The following SCN8A variants were observed in gnomAD, a reference collection of about 807,000 sequenced individuals.
SCN8A encodes sodium channel protein type 8 subunit alpha.
SCN8A carries 30 observed loss-of-function variants against 184.1 expected under a neutral mutation model. That is an observed-to-expected ratio of 0.16 (90% CI 0.12 to 0.22). The LOEUF (loss-of-function observed/expected upper bound fraction) is 0.22. SCN8A is among the 10% of genes least tolerant of loss of function. The probability of loss-of-function intolerance (pLI) is 1.00; values close to 1 mark genes in which losing one functional copy is unlikely to be tolerated. For synonymous variants in SCN8A, 852 were observed against 907.0 expected (o/e 0.94, Z 1.09); for missense variants, 1,057 against 2,498.9 (o/e 0.42, Z 12.30).
chr12:51,746,889 T>C (rs985725956), intron 13 of SCN8A, among the ~76,000 whole-genome samples: 5 of 152,218 alleles, frequency 3.3e-5, no homozygotes, highest in African/African-American at 7.2e-5. Flanking sequence ...ATCTTCTTCA[T>C]TGGATTTATG....
chr12:51,688,718 A>G lies in SCN8A; in HGVS notation c.615-287A>G, dbSNP rs768148347. The G allele has an allele frequency of 2.5e-5, 35 of 1,408,712 alleles. No individual in the cohort carries two copies. The East Asian group carries it at 7.3e-4, about 29-fold the overall frequency. The allele number at this position is 1,408,712 out of a possible 1,614,324, so 87.3% of individuals were successfully genotyped here. ...TCCCCCCATTCTCAAACCCTCGCCCAGTGGTACCATTACAAGTTAACTTTG... is the reference window on the plus strand; with the variant it reads ...TCCCCCCATTCTCAAACCCTCGCCCGGTGGTACCATTACAAGTTAACTTTG... On this transcript the variant is annotated intron_variant, in intron 5 of 26. Coordinates refer to ENST00000627620, the MANE Select transcript of SCN8A (RefSeq NM_001330260.2).
At chr12:51,769,770 A>C in intron 17 of SCN8A, 98 bp from the exon 18 acceptor site, 1 of 787,414 alleles carries the variant, frequency 1.3e-6, no homozygotes, top group Non-Finnish European at 2.2e-6. Context: ...GAGAGGAGTC[A>C]GAGCTGGCCC....
intron 1 of SCN8A, among the ~76,000 whole-genome samples, chr12:51,641,758 G>A (rs1312341737): frequency 2.0e-5 from 3 of 152,176 alleles, no homozygotes; most frequent in African/African-American, 7.2e-5. Context: ...GCGGAGAGCA[G>A]AAACACTGAA....
At position 51,705,411 on chromosome 12, in the gene SCN8A, T is replaced by C; in HGVS notation, c.1135-6T>C. On this transcript the variant is annotated splice_polypyrimidine_tract_variant and splice_region_variant and intron_variant, in intron 9 of 26. Transcript: ENST00000627620. ...GTGACTCAGAAAATGGCCTTTGTCT[T>C]TGCAGACTTTACGAGCAGCCGGGAA... 6.2e-7 allele frequency: 1 copy of C among 1,613,746 alleles called. No homozygotes were observed. Among genetic ancestry groups the C allele is most frequent in the Non-Finnish European group, 8.5e-7 (1 of 1,179,696 alleles).
chr12:51,754,472 A>C (rs1942643458), intron 14 of SCN8A, among the ~76,000 whole-genome samples: 1 of 151,534 alleles, frequency 6.6e-6, no homozygotes, highest in Non-Finnish European at 1.5e-5. Flanking sequence ...GATACATTAC[A>C]ATGTTGTGAA....
At chr12:51,738,141 AC>A (rs1942358001) in intron 12 of SCN8A, among the ~76,000 whole-genome samples, 1 of 152,168 alleles carries the variant, frequency 6.6e-6, no homozygotes, top group Non-Finnish European at 1.5e-5. Flanking sequence ...GTTCTTTCAA[AC>A]CATGCAAATT....
chr12:51,804,126 CCCTT>C (rs923761205), intron 26 of SCN8A, among the ~76,000 whole-genome samples: 1 of 152,150 alleles, frequency 6.6e-6, no homozygotes, highest in Admixed American at 6.5e-5. Context: ...CTTTTCAACT[CCCTT>C]CCTTCTGTGG....
At chr12:51,684,388 T>C in intron 3 of SCN8A, 96 bp downstream of exon 3, 1 of 720,376 alleles carries the variant, frequency 1.4e-6, no homozygotes, top group Non-Finnish European at 2.5e-6. Flanking sequence ...GTTAAGTTTT[T>C]TACTGATAGT....
intron 26 of SCN8A, among the ~76,000 whole-genome samples, chr12:51,805,943 C>T (rs750068846): frequency 1.1e-4 from 16 of 152,134 alleles, no homozygotes; most frequent in Admixed American, 2.6e-4. Flanking sequence ...ATTCTTGTGC[C>T]TCTGCCTCCC....
chr12:51,721,164 A>G, intron 11 of SCN8A, among the ~76,000 whole-genome samples: 1 of 141,952 alleles, frequency 7.0e-6, no homozygotes, highest in African/African-American at 2.8e-5. Context: ...TATGATAATA[A>G]ATAAATTCTT....
At chr12:51,780,849 G>A in intron 21 of SCN8A, 78 bp downstream of exon 21, 1 of 1,375,508 alleles carries the variant, frequency 7.3e-7, no homozygotes, top group South Asian at 2.0e-5. Flanking sequence ...TCACATGGTG[G>A]AAAGATCATT....
intron 11 of SCN8A, chr12:51,713,162 A>T (rs933799376): frequency 1.6e-6 from 2 of 1,219,074 alleles, no homozygotes; most frequent in African/African-American, 2.9e-5. Context: ...ATCTTGCCAT[A>T]CTTTTCAAAG....
At chr12:51,757,531 C>T (rs1942695347) in intron 14 of SCN8A, among the ~76,000 whole-genome samples, 2 of 152,090 alleles carry the variant, frequency 1.3e-5, no homozygotes, top group Non-Finnish European at 2.9e-5. Context: ...CTCCCCAGAC[C>T]CCATAGTGAC....
chr12:51,743,289 G>C (rs989513706), intron 12 of SCN8A, among the ~76,000 whole-genome samples: 1 of 152,004 alleles, frequency 6.6e-6, no homozygotes, highest in Non-Finnish European at 1.5e-5. Flanking sequence ...TTGGTGTTTG[G>C]GCATTGACAA....
At chr12:51,670,817 G>A (rs1941117495) in intron 2 of SCN8A, among the ~76,000 whole-genome samples, 3 of 152,146 alleles carry the variant, frequency 2.0e-5, no homozygotes, top group African/African-American at 7.2e-5. Context: ...AAGGAATCGA[G>A]CATGCAATTA....
intron 12 of SCN8A, among the ~76,000 whole-genome samples, chr12:51,730,853 AC>A (rs1942229495): frequency 6.6e-6 from 1 of 152,000 alleles, no homozygotes; most frequent in Admixed American, 6.6e-5. Flanking sequence ...TCTCCCCGCT[AC>A]CCTTCCCCAC....
rs545369037 is a variant in SCN8A at position 51,727,734 on chromosome 12, G to A, written c.1998+5826G>A. ...TCCCAGCACTTTGGGAGGCTGAGGC[G>A]GGCAGATCGTTTGAGGTCAGGAGTT... On this transcript the variant is annotated intron_variant, in intron 12 of 26. Transcript: ENST00000627620. Among the ~76,000 whole-genome samples, 3 of 152,134 alleles carry A rather than the reference G, an allele frequency of 2.0e-5. No individual in the cohort carries two copies. In the East Asian group the frequency reaches 5.8e-4, roughly 29 times the overall value.
At chr12:51,767,041 T>G (rs536087025) in intron 16 of SCN8A, among the ~76,000 whole-genome samples, 1 of 152,294 alleles carries the variant, frequency 6.6e-6, no homozygotes, top group African/African-American at 2.4e-5. Context: ...CACCAGCCTC[T>G]GAACCAGCTA....
chr12:51,788,826 G>C, intron 23 of SCN8A, 78 bp downstream of exon 23: 2 of 1,188,404 alleles, frequency 1.7e-6, no homozygotes, highest in Non-Finnish European at 2.4e-6. Flanking sequence ...AGCCCACCAA[G>C]AAAGAGGAAG....
Sources: allele counts gnomAD v4.1 joint callset (sites outside exome capture counted in the v4.1 genomes callset), GRCh38; gene constraint gnomAD v4.1.1; transcripts MANE v1.5; gene names NCBI Gene and HGNC (gene_info 2026-07-23, HGNC 2026-07-21).